TDP1: variants seen among roughly 807,000 people sequenced by gnomAD.
TDP1 encodes tyr-DNA phosphodiesterase 1.
In TDP1, 64 loss-of-function variants were observed where a neutral mutation model predicts 81.5. That is an observed-to-expected ratio of 0.79 (90% CI 0.64 to 0.97). The LOEUF is 0.97. TDP1 is among the 50% of genes least tolerant of loss of function. The probability of loss-of-function intolerance (pLI) is 0.00; values close to 1 mark genes in which losing one functional copy is unlikely to be tolerated. For synonymous variants in TDP1, 256 were observed against 264.3 expected, an observed-to-expected ratio of 0.97 and a Z score of 0.30; for missense variants, 723 against 743.8, an observed-to-expected ratio of 0.97 and a Z score of 0.33.
At chr14:90,023,762 A>C (rs1301544738) in intron 15 of TDP1, among the ~76,000 whole-genome samples, 1 of 151,842 alleles carries the variant, frequency 6.6e-6, no homozygotes, top group Non-Finnish European at 1.5e-5. Flanking sequence ...TGCAGTCTCC[A>C]CCAGGCTCAA....
intron 8 of TDP1, 26 bp from the exon 9 acceptor site, chr14:89,984,490 G>A (rs979490985): frequency 7.4e-6 from 12 of 1,613,704 alleles, no homozygotes; most frequent in African/African-American, 1.3e-5. Context: ...GTGCCTGACT[G>A]TTAAAGGTTA....
chr14:90,019,283 G>T (rs780962285), intron 14 of TDP1, 33 bp from the exon 15 acceptor site: 6 of 1,459,432 alleles, frequency 4.1e-6, no homozygotes, highest in Non-Finnish European at 4.8e-6. Context: ...ATGCCTCCCT[G>T]AGTCAGCCCT....
At chr14:89,985,888 A>G (rs1203930935) in intron 10 of TDP1, among the ~76,000 whole-genome samples, 1 of 152,142 alleles carries the variant, frequency 6.6e-6, no homozygotes, top group Non-Finnish European at 1.5e-5. Flanking sequence ...TTAGCCGGGC[A>G]TGATGGCAGG....
chr14:89,980,077 C>A, intron 7 of TDP1: 1 of 829,146 alleles, frequency 1.2e-6, no homozygotes, highest in Non-Finnish European at 1.5e-6. Context: ...TACCTTTGTG[C>A]CAAAACAAAA....
intron 2 of TDP1, among the ~76,000 whole-genome samples, chr14:89,960,909 T>C (rs1348674343): frequency 6.6e-6 from 1 of 152,076 alleles, no homozygotes; most frequent in Non-Finnish European, 1.5e-5. Flanking sequence ...ATGAGATCTA[T>C]ACATTTAGAA....
chr14:90,016,661 A>G (rs551174911), intron 14 of TDP1, among the ~76,000 whole-genome samples: 1 of 152,354 alleles, frequency 6.6e-6, no homozygotes, highest in East Asian at 1.9e-4. Flanking sequence ...GGACAAAGAT[A>G]ACACCCTTAT....
intron 7 of TDP1, chr14:89,980,059 C>T: frequency 2.2e-6 from 1 of 462,370 alleles, no homozygotes; most frequent in Non-Finnish European, 2.8e-6. Flanking sequence ...GTGTATTGTG[C>T]ACTAACATAC....
intron 7 of TDP1, among the ~76,000 whole-genome samples, chr14:89,979,663 T>C (rs1238066259): frequency 3.3e-5 from 5 of 152,104 alleles, no homozygotes; most frequent in Non-Finnish European, 7.4e-5. Context: ...GGTTGATCCT[T>C]AGAGATACAA....
intron 16 of TDP1, among the ~76,000 whole-genome samples, chr14:90,038,894 C>A (rs1888086126): frequency 6.9e-6 from 1 of 145,496 alleles, no homozygotes. Flanking sequence ...GAAAGATCTT[C>A]AGAAATGAAG....
At chr14:89,965,021 C>A in intron 3 of TDP1, 1 of 194,632 alleles carries the variant, frequency 5.1e-6, no homozygotes, top group Non-Finnish European at 1.1e-5. Flanking sequence ...CTTAGAAGAT[C>A]TCATGGAGGA....
intron 14 of TDP1, among the ~76,000 whole-genome samples, chr14:90,008,387 G>C (rs1019183455): frequency 6.6e-6 from 1 of 152,058 alleles, no homozygotes; most frequent in Non-Finnish European, 1.5e-5. Flanking sequence ...TAATTCTAGT[G>C]ACTGTATTTT....
chr14:89,968,263 C>T (rs1450277722), intron 5 of TDP1, among the ~76,000 whole-genome samples: 4 of 151,542 alleles, frequency 2.6e-5, no homozygotes, highest in Non-Finnish European at 4.4e-5. Context: ...TTGTTTCCAG[C>T]GTGACACATT....
At chr14:89,965,361 T>G (rs11849310) in intron 3 of TDP1, among the ~76,000 whole-genome samples, 15,017 of 152,084 alleles carry the variant, frequency 0.099, 1,938 homozygotes, top group African/African-American at 0.3. Context: ...CCTTTCTAGC[T>G]GTGTGTCTGT....
At chr14:89,960,106 A>G (rs547734887) in intron 2 of TDP1, among the ~76,000 whole-genome samples, 2 of 152,324 alleles carry the variant, frequency 1.3e-5, no homozygotes, top group East Asian at 3.9e-4. Context: ...TAGAGCTGAC[A>G]TTCAGAGAGT....
At chr14:90,039,873 A>G (rs1452328572) in intron 16 of TDP1, among the ~76,000 whole-genome samples, 2 of 152,188 alleles carry the variant, frequency 1.3e-5, no homozygotes, top group Non-Finnish European at 2.9e-5. Flanking sequence ...GTACGATAGT[A>G]CAATCCCCAA....
At chr14:89,994,948 T>C (rs1404005618) in intron 14 of TDP1, among the ~76,000 whole-genome samples, 1 of 152,234 alleles carries the variant, frequency 6.6e-6, no homozygotes, top group African/African-American at 2.4e-5. Context: ...CAGATACCTT[T>C]GGCATGTATT....
chr14:89,959,981 C>T (rs1157490588), intron 2 of TDP1, among the ~76,000 whole-genome samples: 2 of 152,170 alleles, frequency 1.3e-5, no homozygotes, highest in African/African-American at 4.8e-5. Flanking sequence ...AAACTAAGAC[C>T]TGCTACTTAC....
intron 16 of TDP1, among the ~76,000 whole-genome samples, chr14:90,036,928 G>A (rs1404920249): frequency 2.0e-5 from 3 of 150,766 alleles, no homozygotes; most frequent in African/African-American, 7.4e-5. Context: ...TCCCACCTCA[G>A]CCTCCTGAGT....
At chr14:89,997,713 A>G (rs1896761834) in intron 14 of TDP1, among the ~76,000 whole-genome samples, 1 of 152,218 alleles carries the variant, frequency 6.6e-6, no homozygotes, top group Admixed American at 6.5e-5. Flanking sequence ...TTCCATTGCC[A>G]AACAAATGAA....
Sources: allele counts gnomAD v4.1 joint callset (sites outside exome capture counted in the v4.1 genomes callset), GRCh38; gene constraint gnomAD v4.1.1; transcripts MANE v1.5; gene names NCBI Gene and HGNC (gene_info 2026-07-23, HGNC 2026-07-21).